Variants in KIF21A observed in about 807,000 individuals in gnomAD.
KIF21A encodes the protein kinesin-like protein KIF21A.
In KIF21A, 114 loss-of-function variants were observed where a neutral mutation model predicts 202.9. That is an observed-to-expected ratio of 0.56 (90% CI 0.48 to 0.66). The LOEUF (loss-of-function observed/expected upper bound fraction) is 0.66, where lower values mean the gene tolerates loss of function less well. Ranked by LOEUF, KIF21A falls within the 30% of genes least tolerant of loss-of-function variation. The pLI, the probability that KIF21A is intolerant of heterozygous loss-of-function variation, is 0.00. For synonymous variants in KIF21A, 667 were observed against 670.8 expected (o/e 0.99, Z 0.09); for missense variants, 1,677 against 1,994.9 (o/e 0.84, Z 3.04).
At position 39,439,444 on chromosome 12, in the gene KIF21A, T is replaced by G. The variant is rs148133251; in HGVS notation, c.44+3483A>C. On this transcript the variant is annotated intron_variant, in intron 1 of 37. Coordinates refer to ENST00000361418, the MANE Select transcript of KIF21A (RefSeq NM_001173464.2). ...GTAAGCCTTTGAAAGCCAATGTATA[T>G]CTATTACACTTACAGTTCTAGTCAA... 5.3e-5 allele frequency among the ~76,000 whole-genome samples: 8 copies of G among 152,312 alleles called. No individual in the cohort carries two copies. In the East Asian group the frequency reaches 1.3e-3, roughly 26 times the overall value.
chr12:39,430,786 G>C (rs760866068), intron 1 of KIF21A, among the ~76,000 whole-genome samples: 1 of 151,852 alleles, frequency 6.6e-6, no homozygotes, highest in Admixed American at 6.6e-5. Context: ...TTGAGGGTAG[G>C]GCCTTTGGGA....
chr12:39,327,426 C>T (rs963639872), intron 24 of KIF21A, among the ~76,000 whole-genome samples: 1 of 152,220 alleles, frequency 6.6e-6, no homozygotes. Flanking sequence ...ACTTGCTTCA[C>T]AGAAAAGATA....
At chr12:39,420,832 T>C (rs1295011022) in intron 1 of KIF21A, among the ~76,000 whole-genome samples, 1 of 152,034 alleles carries the variant, frequency 6.6e-6, no homozygotes, top group African/African-American at 2.4e-5. Context: ...AAACCCAAAT[T>C]TCCTAGCTGT....
At chr12:39,359,868 A>G (rs11171844) in intron 7 of KIF21A, among the ~76,000 whole-genome samples, 12,461 of 152,238 alleles carry the variant, frequency 0.082, 651 homozygotes, top group South Asian at 0.28. Context: ...AACTTCCACA[A>G]CACTTGAACT....
intron 1 of KIF21A, among the ~76,000 whole-genome samples, chr12:39,379,370 G>A (rs903545622): frequency 1.3e-5 from 2 of 150,648 alleles, no homozygotes; most frequent in Non-Finnish European, 3.0e-5. Context: ...GAAGTTTTGT[G>A]AATGTTATGA....
At chr12:39,436,015 G>A (rs544093080) in intron 1 of KIF21A, among the ~76,000 whole-genome samples, 23 of 151,884 alleles carry the variant, frequency 1.5e-4, no homozygotes, top group African/African-American at 4.3e-4. Context: ...CTACCCCTGC[G>A]GTTCCTCTCC....
Position 39,442,971 on chromosome 12 carries a change from G to A in KIF21A, c.-1C>T. The A allele has an allele frequency of 6.6e-7, 1 of 1,521,088 alleles. No individual in the cohort carries two copies. The highest frequency in any genetic ancestry group is 8.8e-7 in the Non-Finnish European group (1 of 1,141,716). The allele number at this position is 1,521,088 out of a possible 1,614,324, so 94.2% of individuals were successfully genotyped here. A position where few individuals can be genotyped will look rare whatever the true frequency, so the allele number is the denominator to read the frequency against. On this transcript the variant is annotated 5_prime_UTR_variant, in exon 1 of 38. Transcript: ENST00000361418. This position sits in a 1 kb window ranked among gnomAD's most constrained non-coding sequence, Gnocchi z 5.0. The stretch of plus-strand genomic sequence containing the variant: ...AGCTCTCGTCCGGGGCGCCCAACAT[G>A]CTGGCGGCGGGCAGCGATCGAGCCG...
chr12:39,384,006 C>T (rs1057001925), intron 1 of KIF21A, among the ~76,000 whole-genome samples: 2 of 151,952 alleles, frequency 1.3e-5, no homozygotes, highest in African/African-American at 4.8e-5. Flanking sequence ...GATGCTGATG[C>T]TGAATTCTGA....
intron 1 of KIF21A, among the ~76,000 whole-genome samples, chr12:39,375,028 T>C (rs1160727003): frequency 2.0e-5 from 3 of 152,252 alleles, no homozygotes; most frequent in South Asian, 2.1e-4. Flanking sequence ...TATGAAAACA[T>C]TATCATGGGC....
At chr12:39,427,650 G>A (rs1016293224) in intron 1 of KIF21A, among the ~76,000 whole-genome samples, 4 of 152,126 alleles carry the variant, frequency 2.6e-5, no homozygotes, top group African/African-American at 7.2e-5. Context: ...AAAGATGACT[G>A]CTATTGCATC....
At position 39,318,221 on chromosome 12, in the gene KIF21A, T is replaced by C. The variant is rs777022388; in HGVS notation, c.3780-20A>G. 6.2e-7 allele frequency: 1 copy of C among 1,610,978 alleles called. No individual in the cohort carries two copies. Among genetic ancestry groups the C allele is most frequent in the Non-Finnish European group, 8.5e-7 (1 of 1,177,688 alleles). ...TCTGAGCTACAAGAAAAAAAGAACA[T>C]TAAGTAGGTGGCTTTAATTGGTTAT... On this transcript the variant is annotated intron_variant, in intron 28 of 37. Transcript: ENST00000361418.
chr12:39,363,269 A>G (rs1949368886), intron 6 of KIF21A, 56 bp from the exon 7 acceptor site: 3 of 981,482 alleles, frequency 3.1e-6, no homozygotes, highest in Non-Finnish European at 3.3e-6. Flanking sequence ...AATTATAACA[A>G]TTTTAAATAA....
rs764304659 is a variant in KIF21A, at chr12:39,331,747, G to A, written c.3096C>T (p.Cys1032=). Reference sequence around the variant, plus strand: ...GCAGGTATCGGGCTTCTGTAAGGGTGCAGGCATTAATGACTGCAGTAACAT... The same window carrying A: ...GCAGGTATCGGGCTTCTGTAAGGGTACAGGCATTAATGACTGCAGTAACAT... ...TLDVTAVINA[C]TLTEARYLLD... The change falls in exon 22 of 38, where the codon TGC becomes TGT. Residue 1032 remains cysteine, a synonymous_variant. Coordinates refer to ENST00000361418, the MANE Select transcript of KIF21A (RefSeq NM_001173464.2). 1.2e-6 allele frequency: 2 copies of A among 1,613,626 alleles called. No homozygotes were observed. The highest frequency in any genetic ancestry group is 1.1e-5 in the South Asian group (1 of 91,066).
chr12:39,399,899 T>C (rs1952037587), intron 1 of KIF21A, among the ~76,000 whole-genome samples: 1 of 152,224 alleles, frequency 6.6e-6, no homozygotes, highest in Non-Finnish European at 1.5e-5. Context: ...TATATTTTTA[T>C]GTGACTCCAC....
chr12:39,388,969 C>T (rs1226952438), intron 1 of KIF21A, among the ~76,000 whole-genome samples: 1 of 152,090 alleles, frequency 6.6e-6, no homozygotes, highest in Non-Finnish European at 1.5e-5. Flanking sequence ...ATTCTAAAAT[C>T]TGGGAATTGT....
intron 14 of KIF21A, 114 bp downstream of exon 14, chr12:39,341,391 T>C (rs1947430420): frequency 1.0e-6 from 1 of 992,578 alleles, no homozygotes; most frequent in Admixed American, 2.0e-5. Flanking sequence ...TGTAGGTCAG[T>C]GGTCACAGAA....
Position 39,357,247 on chromosome 12 carries a change from C to A in KIF21A, c.1405+1G>T. The A allele has an allele frequency of 6.2e-7, 1 of 1,614,034 alleles. No individual in the cohort carries two copies. The highest frequency in any genetic ancestry group is 8.5e-7 in the Non-Finnish European group (1 of 1,179,886). On this transcript the variant is annotated splice_donor_variant, in intron 9 of 37. Transcript: ENST00000361418. LOFTEE classifies it high-confidence loss of function. ...TCACTTATCCCACCCTACCCACATA[C>A]CTGCTCTGGCAAGAACATGGTTGGC...
intron 1 of KIF21A, among the ~76,000 whole-genome samples, chr12:39,415,537 G>A (rs1018564745): frequency 4.6e-5 from 7 of 152,080 alleles, no homozygotes; most frequent in African/African-American, 1.2e-4. Context: ...GATTACAGGC[G>A]TGAGCCGCCG....
chr12:39,352,041 CAT>C, intron 10 of KIF21A, 61 bp from the exon 11 acceptor site: 1 of 1,179,150 alleles, frequency 8.5e-7, no homozygotes. Flanking sequence ...AAATACATAA[CAT>C]AAAGTGTACC....
Sources: gnomAD v4.1 joint callset for allele counts (sites outside exome capture counted in the v4.1 genomes callset) on GRCh38, gnomAD v4.1.1 for gene constraint, Gnocchi (gnomAD v3.1) non-coding constraint, MANE v1.5 for transcripts, NCBI Gene and HGNC (gene_info 2026-07-23, HGNC 2026-07-21) for gene names.